The following EFNA5 variants were observed in gnomAD, a reference collection of about 807,000 sequenced individuals.
EFNA5 encodes ephrin-A5.
In EFNA5, 5 loss-of-function variants were observed where a neutral mutation model predicts 22.9. The observed-to-expected ratio is 0.22, with a 90% CI of 0.11 to 0.46. EFNA5 has a LOEUF of 0.46. Among genes scored for constraint, EFNA5 ranks in the 20% least tolerant of loss-of-function variants. The pLI is 0.99. For synonymous variants in EFNA5, 113 were observed against 112.2 expected, an observed-to-expected ratio of 1.01 and a Z score of -0.04; for missense variants, 237 against 293.3, an observed-to-expected ratio of 0.81 and a Z score of 1.40.
chr5:107,635,214 G>A (rs915643787), intron 1 of EFNA5, among the ~76,000 whole-genome samples: 3 of 152,130 alleles, frequency 2.0e-5, no homozygotes, highest in African/African-American at 4.8e-5. Flanking sequence ...AAATTGATAC[G>A]GCCAAAGTCA....
intron 1 of EFNA5, among the ~76,000 whole-genome samples, chr5:107,547,997 T>A (rs1042742987): frequency 2.6e-4 from 39 of 152,214 alleles, no homozygotes; most frequent in African/African-American, 9.4e-4. Context: ...AAGGTCTATA[T>A]AAAATTCTGT....
intron 2 of EFNA5, among the ~76,000 whole-genome samples, chr5:107,390,712 A>C (rs1205192371): frequency 1.3e-5 from 2 of 150,896 alleles, no homozygotes; most frequent in Non-Finnish European, 3.0e-5. Context: ...AATATATATA[A>C]ATTTATATAC....
chr5:107,667,380 A>G (rs1751099844), intron 1 of EFNA5, among the ~76,000 whole-genome samples: 1 of 151,848 alleles, frequency 6.6e-6, no homozygotes, highest in African/African-American at 2.4e-5. Flanking sequence ...TCTGACAGCA[A>G]ATAAATTTAA....
chr5:107,614,240 C>T (rs1178994826), intron 1 of EFNA5, among the ~76,000 whole-genome samples: 1 of 152,032 alleles, frequency 6.6e-6, no homozygotes, highest in African/African-American at 2.4e-5. Context: ...ATGGATCTTC[C>T]AGAAGGAAGC....
At chr5:107,551,421 A>G (rs1748294026) in intron 1 of EFNA5, among the ~76,000 whole-genome samples, 1 of 152,066 alleles carries the variant, frequency 6.6e-6, no homozygotes, top group Non-Finnish European at 1.5e-5. Flanking sequence ...AATGCTTTAT[A>G]TTTTTCAGAG....
chr5:107,595,560 G>A (rs886170341), intron 1 of EFNA5, among the ~76,000 whole-genome samples: 1 of 152,154 alleles, frequency 6.6e-6, no homozygotes, highest in Non-Finnish European at 1.5e-5. Flanking sequence ...CCGGGAAAGG[G>A]AAAGATAAAA....
At chr5:107,532,785 T>C (rs930285515) in intron 1 of EFNA5, among the ~76,000 whole-genome samples, 4 of 152,188 alleles carry the variant, frequency 2.6e-5, no homozygotes, top group African/African-American at 4.8e-5. Context: ...TAAAATGCCA[T>C]GTGAAGCAGA....
chr5:107,591,971 TATATAATATATA>T (rs1749361579), intron 1 of EFNA5, among the ~76,000 whole-genome samples: 4 of 41,204 alleles, frequency 9.7e-5, no homozygotes, highest in African/African-American at 2.9e-4. Context: ...ATATATAATA[TATATAATATATA>T]ATATATAATA....
intron 1 of EFNA5, among the ~76,000 whole-genome samples, chr5:107,483,270 A>T (rs2112403162): frequency 6.6e-6 from 1 of 152,272 alleles, no homozygotes; most frequent in South Asian, 2.1e-4. Context: ...CATAGGTCTC[A>T]ATGGTCTACC....
chr5:107,660,267 T>TATATATAA (rs1409351404), intron 1 of EFNA5, among the ~76,000 whole-genome samples: 23 of 17,180 alleles, frequency 1.3e-3, no homozygotes, highest in South Asian at 2.0e-3. Flanking sequence ...AAAACATATA[T>TATATATAA]ATATATATAT....
chr5:107,489,664 C>CCG (rs535118219), intron 1 of EFNA5, among the ~76,000 whole-genome samples: 2 of 147,578 alleles, frequency 1.4e-5, no homozygotes, highest in Admixed American at 6.7e-5. Flanking sequence ...CCACCTACCC[C>CCG]CCCCACCAAG....
At chr5:107,569,383 T>TTTTTTTATGTATATGTGTGTATATATATA (rs1561435713) in intron 1 of EFNA5, among the ~76,000 whole-genome samples, 1 of 137,946 alleles carries the variant, frequency 7.2e-6, no homozygotes, top group African/African-American at 3.0e-5. Context: ...ATATATATAT[T>TTTTTTTATGTATATGTGTGTATATATATA]TTTATGTATA....
intron 2 of EFNA5, among the ~76,000 whole-genome samples, chr5:107,420,511 G>A (rs1248888534): frequency 8.4e-6 from 1 of 119,440 alleles, no homozygotes; most frequent in African/African-American, 3.3e-5. Context: ...CTTAACCAGA[G>A]TCTGTGCTTT....
chr5:107,599,412 T>C (rs1749543422), intron 1 of EFNA5, among the ~76,000 whole-genome samples: 1 of 152,142 alleles, frequency 6.6e-6, no homozygotes, highest in South Asian at 2.1e-4. Context: ...AAAACATATA[T>C]TTGCATATGC....
At chr5:107,466,205 A>G (rs1749976436) in intron 1 of EFNA5, among the ~76,000 whole-genome samples, 1 of 152,182 alleles carries the variant, frequency 6.6e-6, no homozygotes, top group Admixed American at 6.5e-5. Flanking sequence ...AGCTTCTTTC[A>G]TGATACCAAA....
chr5:107,617,209 T>TAC (rs373146585), intron 1 of EFNA5, among the ~76,000 whole-genome samples: 25,911 of 140,742 alleles, frequency 0.18, 3,326 homozygotes, highest in African/African-American at 0.38. Context: ...CATGTGCACA[T>TAC]ACACACACAC....
chr5:107,415,288 T>C (rs947503955), intron 2 of EFNA5, among the ~76,000 whole-genome samples: 3 of 152,188 alleles, frequency 2.0e-5, no homozygotes, highest in Non-Finnish European at 4.4e-5. Flanking sequence ...TGTATTTATA[T>C]GATAAGCCTC....
At chr5:107,647,488 C>A (rs1460000842) in intron 1 of EFNA5, among the ~76,000 whole-genome samples, 2 of 152,076 alleles carry the variant, frequency 1.3e-5, no homozygotes, top group African/African-American at 4.8e-5. Context: ...AACAGACCTA[C>A]TTTAATGCTC....
At chr5:107,458,199 T>C (rs1049349598) in intron 1 of EFNA5, among the ~76,000 whole-genome samples, 8 of 152,194 alleles carry the variant, frequency 5.3e-5, no homozygotes, top group Non-Finnish European at 1.0e-4. Context: ...GTTTTTACAG[T>C]TGTTATAATT....
Sources: gnomAD v4.1 joint callset for allele counts (sites outside exome capture counted in the v4.1 genomes callset) on GRCh38, gnomAD v4.1.1 for gene constraint, MANE v1.5 for transcripts, NCBI Gene and HGNC (gene_info 2026-07-23, HGNC 2026-07-21) for gene names.